Variants in IMMP1L observed in about 807,000 individuals in gnomAD.
IMMP1L encodes mitochondrial inner membrane protease subunit 1.
A neutral mutation model predicts 21.8 loss-of-function variants in IMMP1L; 24 were observed. The ratio of observed to expected loss-of-function variants is 1.10; its 90% confidence interval spans 0.80 to 1.55. The LOEUF (loss-of-function observed/expected upper bound fraction) is 1.55, where lower values mean the gene tolerates loss of function less well. IMMP1L is among the 40% of genes most tolerant of loss of function. IMMP1L has a pLI of 0.00. For synonymous variants in IMMP1L, 46 were observed against 62.8 expected (o/e 0.73, Z 1.26); for missense variants, 195 against 200.7 (o/e 0.97, Z 0.17).
Position 31,461,259 on chromosome 11 carries a change from G to C in IMMP1L, c.106-545C>G, listed in dbSNP as rs146227816. ...CATTTCATGGGGCTGCAACTTAAATGTTCTACTGAAAAATACTAGCATGAT... is the reference window on the plus strand; with the variant it reads ...CATTTCATGGGGCTGCAACTTAAATCTTCTACTGAAAAATACTAGCATGAT... On this transcript the variant is annotated intron_variant, in intron 2 of 5. Coordinates refer to ENST00000532287, the MANE Select transcript of IMMP1L (RefSeq NM_001304274.2). Among the ~76,000 whole-genome samples, 183 of 152,234 alleles carry C rather than the reference G, an allele frequency of 1.2e-3. 5 individuals carry two copies. In the East Asian group the frequency reaches 0.029, roughly 24 times the overall value.
At chr11:31,462,312 T>C (rs1315792027) in intron 2 of IMMP1L, among the ~76,000 whole-genome samples, 2 of 119,024 alleles carry the variant, frequency 1.7e-5, no homozygotes, top group East Asian at 4.5e-4. Context: ...CAAGACCCTG[T>C]CTCCAAAAAA....
At chr11:31,504,849 A>G (rs1222768777) in intron 1 of IMMP1L, among the ~76,000 whole-genome samples, 1 of 152,246 alleles carries the variant, frequency 6.6e-6, no homozygotes, top group African/African-American at 2.4e-5. Flanking sequence ...AGAGTATAAT[A>G]AAAGTAGAGA....
chr11:31,499,092 G>A (rs1231588395), intron 1 of IMMP1L, among the ~76,000 whole-genome samples: 4 of 152,252 alleles, frequency 2.6e-5, no homozygotes, highest in South Asian at 2.1e-4. Context: ...AGGGCCGGGC[G>A]AGGTGGCTTA....
chr11:31,484,933 C>T (rs993893960), intron 1 of IMMP1L, among the ~76,000 whole-genome samples: 4 of 151,734 alleles, frequency 2.6e-5, no homozygotes, highest in Non-Finnish European at 5.9e-5. Flanking sequence ...AAAAAACAAA[C>T]CTCATATAAA....
chr11:31,482,344 T>C (rs995462245), intron 1 of IMMP1L, among the ~76,000 whole-genome samples: 4 of 152,130 alleles, frequency 2.6e-5, no homozygotes, highest in South Asian at 2.1e-4. Flanking sequence ...GCACTAAACA[T>C]AAATGATGAA....
intron 4 of IMMP1L, among the ~76,000 whole-genome samples, chr11:31,451,553 T>G (rs778494176): frequency 6.6e-6 from 1 of 152,096 alleles, no homozygotes; most frequent in East Asian, 1.9e-4. Context: ...ACAAGTAGCA[T>G]GGGGTTTTCT....
intron 4 of IMMP1L, among the ~76,000 whole-genome samples, chr11:31,443,725 T>A (rs1388695300): frequency 3.9e-5 from 6 of 152,218 alleles, no homozygotes; most frequent in Non-Finnish European, 2.9e-5. Context: ...AAATTCAGCC[T>A]CATTGCTGTC....
intron 4 of IMMP1L, among the ~76,000 whole-genome samples, chr11:31,455,595 C>T (rs1344391749): frequency 1.3e-5 from 2 of 152,112 alleles, no homozygotes; most frequent in Admixed American, 1.3e-4. Context: ...CAGACTTCCC[C>T]CTAATAGTGG....
chr11:31,500,090 C>T (rs1023512483), intron 1 of IMMP1L, among the ~76,000 whole-genome samples: 2 of 152,108 alleles, frequency 1.3e-5, no homozygotes, highest in Admixed American at 6.5e-5. Context: ...TGTACTTGCT[C>T]CTTGATTATG....
intron 1 of IMMP1L, among the ~76,000 whole-genome samples, chr11:31,480,277 C>G (rs1032789820): frequency 1.3e-5 from 2 of 151,834 alleles, no homozygotes; most frequent in Non-Finnish European, 2.9e-5. Context: ...AGAATATTCA[C>G]AAAATAAAAA....
At chr11:31,447,299 G>A (rs963304293) in intron 4 of IMMP1L, among the ~76,000 whole-genome samples, 1 of 152,194 alleles carries the variant, frequency 6.6e-6, no homozygotes, top group Non-Finnish European at 1.5e-5. Context: ...GGCTGCTTCT[G>A]AGGCAGCCTC....
rs546631373 is a variant in IMMP1L, at chr11:31,456,347, T to C, written c.234A>G (p.Lys78=). ...IVIAKSPSDP[K]SNICKRVIGL... ...CAATTACTCTTTTACAAATATTTGA[T>C]TTTGGATCACTTGGGCTTTTTGCAA... Residue 78 remains lysine (K), a synonymous_variant, in exon 4 of 6, where the codon AAA becomes AAG. Transcript: ENST00000532287. 6.2e-7 allele frequency: 1 copy of C among 1,609,950 alleles called. No homozygotes were observed. Among genetic ancestry groups the C allele is most frequent in the African/African-American group, 1.3e-5 (1 of 74,934 alleles).
intron 1 of IMMP1L, among the ~76,000 whole-genome samples, chr11:31,475,834 A>C (rs1275711980): frequency 6.6e-6 from 1 of 152,198 alleles, no homozygotes; most frequent in Non-Finnish European, 1.5e-5. Flanking sequence ...CGTTCTAAAG[A>C]AAATAACCAT....
chr11:31,437,568 T>C (rs1051458649), intron 4 of IMMP1L, among the ~76,000 whole-genome samples: 40 of 150,168 alleles, frequency 2.7e-4, no homozygotes, highest in African/African-American at 9.6e-4. Flanking sequence ...GGGAAAAGAG[T>C]GAGAACTTTA....
intron 4 of IMMP1L, among the ~76,000 whole-genome samples, chr11:31,442,493 G>A (rs1049487647): frequency 1.3e-5 from 2 of 152,056 alleles, no homozygotes; most frequent in African/African-American, 4.8e-5. Context: ...GAAAAGTTCT[G>A]GCTAAAAAAT....
intron 1 of IMMP1L, among the ~76,000 whole-genome samples, chr11:31,483,960 A>G (rs1218375962): frequency 6.6e-6 from 1 of 151,754 alleles, no homozygotes; most frequent in Non-Finnish European, 1.5e-5. Flanking sequence ...TTTTTCTTAT[A>G]TTGAAAAGAT....
At chr11:31,497,322 C>G (rs1955476341) in intron 1 of IMMP1L, among the ~76,000 whole-genome samples, 3 of 151,870 alleles carry the variant, frequency 2.0e-5, no homozygotes, top group Admixed American at 2.0e-4. Flanking sequence ...CAAATATTAA[C>G]AAGAATATAG....
At chr11:31,436,223 G>T (rs920799265) in intron 4 of IMMP1L, among the ~76,000 whole-genome samples, 2 of 151,840 alleles carry the variant, frequency 1.3e-5, no homozygotes, top group Admixed American at 1.3e-4. Context: ...AGTTTTTTAT[G>T]CAGTATTTAC....
chr11:31,496,679 A>T (rs1052461356), intron 1 of IMMP1L, among the ~76,000 whole-genome samples: 1 of 150,482 alleles, frequency 6.6e-6, no homozygotes, highest in African/African-American at 2.4e-5. Context: ...ATAACTTTTT[A>T]AAATTTTATT....
Sources: gnomAD v4.1 joint callset for allele counts (sites outside exome capture counted in the v4.1 genomes callset) on GRCh38, gnomAD v4.1.1 for gene constraint, MANE v1.5 for transcripts, NCBI Gene and HGNC (gene_info 2026-07-23, HGNC 2026-07-21) for gene names.